Variants in GALNT3 observed in about 807,000 individuals in gnomAD.
GALNT3 encodes GalNAc transferase 3.
In GALNT3, 51 loss-of-function variants were observed where a neutral mutation model predicts 69.8. The observed-to-expected ratio is 0.73, with a 90% CI of 0.58 to 0.92. GALNT3 has a LOEUF of 0.92. Ranked by LOEUF, GALNT3 falls within the 40% of genes least tolerant of loss-of-function variation. The pLI, the probability that GALNT3 is intolerant of heterozygous loss-of-function variation, is 0.00. For missense variants in GALNT3, 711 were observed against 760.0 expected, an observed-to-expected ratio of 0.94 and a Z score of 0.76; for synonymous variants, 265 against 248.5, an observed-to-expected ratio of 1.07 and a Z score of -0.63.
intron 4 of GALNT3, among the ~76,000 whole-genome samples, chr2:165,759,984 G>T (rs1272795910): frequency 6.6e-6 from 1 of 152,126 alleles, no homozygotes; most frequent in Non-Finnish European, 1.5e-5. Flanking sequence ...ATTGTGATGA[G>T]ATGAGGGTAG....
intron 1 of GALNT3, among the ~76,000 whole-genome samples, chr2:165,779,641 T>C (rs1683060606): frequency 6.6e-6 from 1 of 152,170 alleles, no homozygotes; most frequent in African/African-American, 2.4e-5. Flanking sequence ...GGCTTCTATT[T>C]AACATTTTTA....
chr2:165,771,572 T>C (rs1440711131), intron 1 of GALNT3: 1 of 152,168 alleles, frequency 6.6e-6, no homozygotes, highest in Non-Finnish European at 1.5e-5. Flanking sequence ...TTGCTTGCAA[T>C]TGACCCTAAG....
chr2:165,759,314 ACT>A lies in GALNT3; in HGVS notation c.1073+20_1073+21del. 6.3e-7 allele frequency: 1 copy of A among 1,578,148 alleles called. No individual in the cohort carries two copies. The highest frequency in any genetic ancestry group is 8.7e-7 in the Non-Finnish European group (1 of 1,149,426). On this transcript the variant is annotated intron_variant, in intron 5 of 10. Transcript: ENST00000392701. ...GTATGGTATAGGGTGTAAATATAAG[ACT>A]CTGAGAGCAATCATCTTACTTAATT...
At chr2:165,764,631 C>T (rs574037223) in intron 3 of GALNT3, among the ~76,000 whole-genome samples, 1 of 152,302 alleles carries the variant, frequency 6.6e-6, no homozygotes, top group South Asian at 2.1e-4. Context: ...GTGCTCTTAA[C>T]CTCTATGCCT....
At chr2:165,792,917 T>G (rs1165573378) in intron 1 of GALNT3, among the ~76,000 whole-genome samples, 1 of 152,210 alleles carries the variant, frequency 6.6e-6, no homozygotes, top group East Asian at 1.9e-4. Context: ...ATTAAAATGC[T>G]GTCACTTTAA....
intron 1 of GALNT3, among the ~76,000 whole-genome samples, chr2:165,784,953 G>A (rs574543047): frequency 1.3e-5 from 2 of 152,264 alleles, no homozygotes; most frequent in East Asian, 1.9e-4. Flanking sequence ...CTCTAGAAAT[G>A]AGCCCCCTCT....
Position 165,787,688 on chromosome 2 carries a change from C to A in GALNT3, c.-109+6327G>T, listed in dbSNP as rs527828854. On this transcript the variant is annotated intron_variant, in intron 1 of 10. Coordinates refer to ENST00000392701, the MANE Select transcript of GALNT3 (RefSeq NM_004482.4). ...AAAGAGATGAAAGGACTGCTAATTCCAAGAAATCTTTTGCCTCATTTTATT... is the reference window on the plus strand; with the variant it reads ...AAAGAGATGAAAGGACTGCTAATTCAAAGAAATCTTTTGCCTCATTTTATT... 7.9e-5 allele frequency among the ~76,000 whole-genome samples: 12 copies of A among 152,234 alleles called. No individual in the cohort carries two copies. The South Asian group carries it at 1.9e-3, about 24-fold the overall frequency.
chr2:165,786,899 A>G (rs1166183128), intron 1 of GALNT3, among the ~76,000 whole-genome samples: 6 of 152,252 alleles, frequency 3.9e-5, no homozygotes, highest in Admixed American at 1.3e-4. Flanking sequence ...TATGCCTGCC[A>G]TGTAAGTGTT....
At chr2:165,763,109 C>T (rs542064556) in intron 3 of GALNT3, among the ~76,000 whole-genome samples, 1 of 152,042 alleles carries the variant, frequency 6.6e-6, no homozygotes, top group South Asian at 2.1e-4. Context: ...TGTTCATATT[C>T]TGAAACAACT....
chr2:165,788,482 T>C lies in GALNT3; in HGVS notation c.-109+5533A>G, dbSNP rs562435833. Among the ~76,000 whole-genome samples the C allele has an allele frequency of 2.1e-3, 322 of 151,306 alleles. 3 individuals carry two copies. Among genetic ancestry groups the C allele is most frequent in the Middle Eastern group, 0.01 (3 of 290 alleles). On this transcript the variant is annotated intron_variant, in intron 1 of 10. Coordinates refer to ENST00000392701, the MANE Select transcript of GALNT3 (RefSeq NM_004482.4). The stretch of plus-strand genomic sequence containing the variant: ...ATCCAAAAGGGTGTGTGTGTGTGTG[T>C]GTGTGTGTGTGTGTGTGTGTGTGTA...
intron 1 of GALNT3, among the ~76,000 whole-genome samples, chr2:165,772,967 G>C (rs529341926): frequency 1.3e-5 from 2 of 152,130 alleles, no homozygotes; most frequent in Non-Finnish European, 2.9e-5. Context: ...TTATGTTTTA[G>C]AAAAATCACA....
At chr2:165,770,109 T>A in intron 2 of GALNT3, 77 bp downstream of exon 2, 1 of 1,546,896 alleles carries the variant, frequency 6.5e-7, no homozygotes, top group South Asian at 1.1e-5. Context: ...AAAAAACAGA[T>A]AACTTCCTTA....
intron 1 of GALNT3, among the ~76,000 whole-genome samples, chr2:165,780,645 T>TG (rs1683082896): frequency 9.7e-6 from 1 of 103,452 alleles, no homozygotes; most frequent in African/African-American, 3.5e-5. Context: ...TGAGGGGTTT[T>TG]TTTGTTGTTG....
At chr2:165,758,520 G>A (rs945297095) in intron 6 of GALNT3, 2 of 400,742 alleles carry the variant, frequency 5.0e-6, no homozygotes, top group African/African-American at 2.1e-5. Context: ...GTTACTGCCT[G>A]GACACAGGAG....
intron 1 of GALNT3, among the ~76,000 whole-genome samples, chr2:165,780,962 T>C (rs1178058707): frequency 6.6e-6 from 1 of 152,182 alleles, no homozygotes; most frequent in African/African-American, 2.4e-5. Flanking sequence ...TCCATAATTA[T>C]GCATTCAATA....
chr2:165,772,467 C>T (rs544542190), intron 1 of GALNT3, among the ~76,000 whole-genome samples: 1 of 151,746 alleles, frequency 6.6e-6, no homozygotes, highest in African/African-American at 2.4e-5. Flanking sequence ...CGCCTGTAGT[C>T]CCAGCTACTC....
At position 165,761,718 on chromosome 2, in the gene GALNT3, A is replaced by G. The variant is rs1455640577; in HGVS notation, c.838+187T>C. On this transcript the variant is annotated intron_variant, in intron 4 of 10. Transcript: ENST00000392701. ...ACACAAAAGGAGATAAGAATTCTGC[A>G]TAAGTGAAAGGAATTTTCTCCACAG... 7 of 729,672 alleles carry G rather than the reference A, an allele frequency of 9.6e-6. No homozygotes were observed. In the East Asian group the frequency reaches 1.1e-4, roughly 11 times the overall value. 45.2% of individuals were successfully genotyped at this position (729,672 alleles called of 1,614,324 possible). A position where few individuals can be genotyped will look rare whatever the true frequency, so the allele number is the denominator to read the frequency against.
chr2:165,760,726 T>C lies in GALNT3; in HGVS notation c.839-1156A>G, dbSNP rs148472110. 4.3e-4 allele frequency among the ~76,000 whole-genome samples: 66 copies of C among 152,332 alleles called. 1 individual carries two copies. The East Asian group carries it at 0.011, about 25-fold the overall frequency. ...AAAAGCCCTTCTGTAATAATCGGTG[T>C]GTGCTCAAAACTAGTAATTGGGTGA... On this transcript the variant is annotated intron_variant, in intron 4 of 10. Transcript: ENST00000392701.
chr2:165,748,952 A>G, intron 10 of GALNT3, 49 bp from the exon 11 acceptor site: 1 of 1,553,644 alleles, frequency 6.4e-7, no homozygotes, highest in South Asian at 1.1e-5. Context: ...CTCATAGTTA[A>G]GTGACAAATA....
Sources: gnomAD v4.1 joint callset for allele counts (sites outside exome capture counted in the v4.1 genomes callset) on GRCh38, gnomAD v4.1.1 for gene constraint, MANE v1.5 for transcripts, NCBI Gene and HGNC (gene_info 2026-07-23, HGNC 2026-07-21) for gene names.